CALY: variants seen among roughly 807,000 people sequenced by gnomAD.
CALY encodes neuron-specific vesicular protein calcyon.
CALY carries 15 observed loss-of-function variants against 20.2 expected under a neutral mutation model. The ratio of observed to expected loss-of-function variants is 0.74; its 90% CI spans 0.50 to 1.14. CALY has a LOEUF of 1.14. Among genes scored for constraint, CALY ranks in the 50% most tolerant of loss-of-function variants. CALY has a pLI of 0.00. For missense variants in CALY, 270 were observed against 304.4 expected, an observed-to-expected ratio of 0.89 and a Z score of 0.84; for synonymous variants, 129 against 131.8, an observed-to-expected ratio of 0.98 and a Z score of 0.15.
At chr10:133,333,456 AT>A (rs1848354102) in intron 1 of CALY, among the ~76,000 whole-genome samples, 1 of 127,234 alleles carries the variant, frequency 7.9e-6, no homozygotes, top group East Asian at 2.4e-4. Flanking sequence ...GCGGGGAGGG[AT>A]CCGAAGGGGT....
Position 133,326,813 on chromosome 10 carries a change from C to T in CALY, c.360+65G>A, listed in dbSNP as rs772336820. 2.7e-6 allele frequency: 3 copies of T among 1,092,584 alleles called. No homozygotes were observed. In the Admixed American group the frequency reaches 6.0e-5, roughly 22 times the overall value. 67.7% of individuals were successfully genotyped at this position (1,092,584 alleles called of 1,614,324 possible). On this transcript the variant is annotated intron_variant, in intron 4 of 5. Transcript: ENST00000252939. ...GCAGCAGGAGACACCCCTGCCACCC[C>T]CTGCCTGGAGGCTACGGGAGGAGGG...
At chr10:133,326,364 C>T (rs1848210443) in intron 4 of CALY, 1 of 1,171,208 alleles carries the variant, frequency 8.5e-7, no homozygotes, top group South Asian at 1.3e-5. Context: ...GTGGACCTGC[C>T]CAGCGCAGCA....
At chr10:133,327,695 C>T (rs1848236439) in intron 3 of CALY, 2 of 650,378 alleles carry the variant, frequency 3.1e-6, no homozygotes, top group East Asian at 2.7e-5. Context: ...ACTGTTTGGT[C>T]AGTCTGCACC....
In CALY at chr10:133,324,525, AATT is replaced by A; in HGVS notation, c.*1067_*1069del. ...GGGGTGGGCGGGGCTGCAGTGCTGC[AATT>A]GGCTGGGGTGGGCGGGGCTGCAGTG... On this transcript the variant is annotated 3_prime_UTR_variant, in exon 6 of 6. Coordinates refer to ENST00000252939, the MANE Select transcript of CALY (RefSeq NM_015722.4). 5 of 348,596 alleles carry A rather than the reference AATT, an allele frequency of 1.4e-5. No individual in the cohort carries two copies. The highest frequency in any genetic ancestry group is 2.3e-5 in the Non-Finnish European group (4 of 173,718). The allele number at this position is 348,596 out of a possible 1,614,324, so 21.6% of individuals were successfully genotyped here. A position where few individuals can be genotyped will look rare whatever the true frequency, so the allele number is the denominator to read the frequency against.
chr10:133,332,797 T>G (rs1052400332), intron 1 of CALY, among the ~76,000 whole-genome samples: 2 of 152,070 alleles, frequency 1.3e-5, no homozygotes, highest in East Asian at 3.9e-4. Flanking sequence ...ACAGGGAAAT[T>G]AGACATAGGA....
At chr10:133,329,489 C>T (rs1848269577) in intron 1 of CALY, among the ~76,000 whole-genome samples, 1 of 151,526 alleles carries the variant, frequency 6.6e-6, no homozygotes, top group African/African-American at 2.4e-5. Context: ...TGAGCTTCAG[C>T]AGTCCTACCA....
chr10:133,330,775 CAAA>C (rs1247998001), intron 1 of CALY, among the ~76,000 whole-genome samples: 1 of 150,220 alleles, frequency 6.7e-6, no homozygotes, highest in Non-Finnish European at 1.5e-5. Context: ...TGCACGTCCA[CAAA>C]ACTCTTCCAG....
At chr10:133,329,392 C>CTTTTTTTTTTTT (rs112012967) in intron 1 of CALY, among the ~76,000 whole-genome samples, 2 of 137,450 alleles carry the variant, frequency 1.5e-5, no homozygotes, top group African/African-American at 5.8e-5. Flanking sequence ...TCTTCTTCTT[C>CTTTTTTTTTTTT]TTTTTTTTTT....
rs1233854583 is a variant in CALY, at chr10:133,327,454, G to C, written c.246+451C>G. 3 of 552,268 alleles carry C rather than the reference G, an allele frequency of 5.4e-6. No individual in the cohort carries two copies. In the African/African-American group the frequency reaches 5.7e-5, roughly 10 times the overall value. The allele number at this position is 552,268 out of a possible 1,614,324, so 34.2% of individuals were successfully genotyped here. A position where few individuals can be genotyped will look rare whatever the true frequency, so the allele number is the denominator to read the frequency against. ...GGAGCCCTAGCAGATCTGTCTACTG[G>C]AGAATGGAAGGCTTTGGAAACAGTC... On this transcript the variant is annotated intron_variant, in intron 3 of 5. Coordinates refer to ENST00000252939, the MANE Select transcript of CALY (RefSeq NM_015722.4).
rs115945833 is a variant in CALY at position 133,327,263 on chromosome 10, G to T, written c.247-272C>A. Among the ~76,000 whole-genome samples, 510 of 152,364 alleles carry T rather than the reference G, an allele frequency of 3.3e-3. 2 individuals are homozygous for T. The highest frequency in any genetic ancestry group is 0.012 in the African/African-American group (490 of 41,586). The stretch of plus-strand genomic sequence containing the variant: ...GTGATGTGGCCTTTGACCCAGGTGG[G>T]TCTTGCAGGAATTTGCAGTTTTCCT... On this transcript the variant is annotated intron_variant, in intron 3 of 5. Coordinates refer to ENST00000252939, the MANE Select transcript of CALY (RefSeq NM_015722.4).
At chr10:133,329,392 C>CTTCTTCTTCTTTTTTTTTTT (rs549430070) in intron 1 of CALY, among the ~76,000 whole-genome samples, 1 of 137,456 alleles carries the variant, frequency 7.3e-6, no homozygotes, top group African/African-American at 2.9e-5. Flanking sequence ...TCTTCTTCTT[C>CTTCTTCTTCTTTTTTTTTTT]TTTTTTTTTT....
chr10:133,329,108 TC>T, intron 1 of CALY, 99 bp from the exon 2 acceptor site: 1 of 1,022,900 alleles, frequency 9.8e-7, no homozygotes, highest in Non-Finnish European at 1.4e-6. Flanking sequence ...GGCCTAATGC[TC>T]CTCACACCAG....
rs1316166919 is a variant in CALY, at chr10:133,324,644, G to T, written c.*951C>A. Reference sequence around the variant, plus strand: ...GCTGCTGCTGGCTGGGGTGGGCGGGGCTGCAGAGCTGCTGCTGGCTGGGGT... The same window carrying T: ...GCTGCTGCTGGCTGGGGTGGGCGGGTCTGCAGAGCTGCTGCTGGCTGGGGT... On this transcript the variant is annotated 3_prime_UTR_variant, in exon 6 of 6. Coordinates refer to ENST00000252939, the MANE Select transcript of CALY (RefSeq NM_015722.4). 5.7e-6 allele frequency: 2 copies of T among 353,704 alleles called. No individual in the cohort carries two copies. Among genetic ancestry groups the T allele is most frequent in the Non-Finnish European group, 1.1e-5 (2 of 181,458 alleles). The allele number at this position is 353,704 out of a possible 1,614,324, so 21.9% of individuals were successfully genotyped here.
rs1003126801 is a variant in CALY, at chr10:133,324,108, C to T, written c.*1487G>A. ...GCTGTATTTTAATTCAAACATCGGC[C>T]ATGCAGAGACTCCCTGCCCCCATAT... On this transcript the variant is annotated 3_prime_UTR_variant, in exon 6 of 6. Transcript: ENST00000252939. The T allele has an allele frequency of 4.2e-6, 1 of 240,712 alleles. No individual in the cohort carries two copies. Among genetic ancestry groups the T allele is most frequent in the African/African-American group, 2.3e-5 (1 of 43,218 alleles). The allele number at this position is 240,712 out of a possible 1,614,324, so 14.9% of individuals were successfully genotyped here. A position where few individuals can be genotyped will look rare whatever the true frequency, so the allele number is the denominator to read the frequency against.
chr10:133,328,065 A>G (rs376964733), intron 2 of CALY, 50 bp from the exon 3 acceptor site: 1 of 1,208,974 alleles, frequency 8.3e-7, no homozygotes, highest in Non-Finnish European at 1.2e-6. Context: ...CAGGGACCCA[A>G]GAGAGCCCTG....
rs1219918163 is a variant in CALY, at chr10:133,327,079, C to T, written c.247-88G>A. ...CTCAGGGGCTGGGCTGGCACAGGAC[C>T]ATCCCCGCCCTCCAGTCTTGATGCC... is the stretch of plus-strand genomic sequence containing the variant. On this transcript the variant is annotated intron_variant, in intron 3 of 5. Coordinates refer to ENST00000252939, the MANE Select transcript of CALY (RefSeq NM_015722.4). 2.4e-5 allele frequency: 21 copies of T among 874,126 alleles called. No homozygotes were observed. The South Asian group carries it at 2.9e-4, about 12-fold the overall frequency. 54.1% of individuals were successfully genotyped at this position (874,126 alleles called of 1,614,324 possible).
intron 4 of CALY, 22 bp from the exon 5 acceptor site, chr10:133,326,142 G>A (rs779850848): frequency 6.3e-7 from 1 of 1,593,076 alleles, no homozygotes. Context: ...GCCGGGTCAG[G>A]GTCGGTGGGG....
chr10:133,330,179 T>G (rs1370277945), intron 1 of CALY, among the ~76,000 whole-genome samples: 1 of 151,816 alleles, frequency 6.6e-6, no homozygotes, highest in Non-Finnish European at 1.5e-5. Context: ...AAAAGAAAGG[T>G]CCTGTGTGCA....
chr10:133,327,607 G>T, intron 3 of CALY: 1 of 594,564 alleles, frequency 1.7e-6, no homozygotes, highest in South Asian at 2.1e-5. Context: ...CACTGAAGAT[G>T]AGACAATGAC....
Sources: allele counts gnomAD v4.1 joint callset (sites outside exome capture counted in the v4.1 genomes callset), GRCh38; gene constraint gnomAD v4.1.1; transcripts MANE v1.5; gene names NCBI Gene and HGNC (gene_info 2026-07-23, HGNC 2026-07-21).